MACF1: variants seen among roughly 807,000 people sequenced by gnomAD.
MACF1 encodes microtubule actin crosslinking factor 1.
A neutral mutation model predicts 854.8 loss-of-function variants in MACF1; 193 were observed. That is an observed-to-expected ratio of 0.23 (90% confidence interval 0.20 to 0.25). The LOEUF is 0.25. Ranked by LOEUF, MACF1 falls within the 10% of genes least tolerant of loss-of-function variation. The pLI, the probability that MACF1 is intolerant of heterozygous loss-of-function variation, is 1.00. For missense variants in MACF1, 7,722 were observed against 8,929.1 expected (o/e 0.86, Z 5.45); for synonymous variants, 3,185 against 3,226.7 (o/e 0.99, Z 0.44).
chr1:39,324,407 G>A (rs1646570771), intron 34 of MACF1, 62 bp downstream of exon 34: 2 of 1,566,094 alleles, frequency 1.3e-6, no homozygotes. Context: ...ACATTAGGTG[G>A]AATAGTAGAA....
At chr1:39,139,297 GT>G (rs777759471) in intron 2 of MACF1, among the ~76,000 whole-genome samples, 129 of 134,944 alleles carry the variant, frequency 9.6e-4, no homozygotes, top group East Asian at 1.7e-3. Context: ...ATCTGCCACT[GT>G]TTTTTTTTTT....
At chr1:39,322,882 T>A in intron 32 of MACF1, 28 bp from the exon 33 acceptor site, 1 of 1,593,742 alleles carries the variant, frequency 6.3e-7, no homozygotes, top group Admixed American at 1.7e-5. Flanking sequence ...GGCAGACGAT[T>A]TATTTAAATT....
intron 2 of MACF1, among the ~76,000 whole-genome samples, chr1:39,239,545 A>G (rs1037921754): frequency 6.6e-6 from 1 of 152,252 alleles, no homozygotes; most frequent in Non-Finnish European, 1.5e-5. Flanking sequence ...TTCTGCTTAT[A>G]TACCAGAACC....
intron 2 of MACF1, among the ~76,000 whole-genome samples, chr1:39,127,448 C>G (rs1642887215): frequency 6.6e-6 from 1 of 152,126 alleles, no homozygotes; most frequent in South Asian, 2.1e-4. Flanking sequence ...CCACTTAATT[C>G]TCATGATAAC....
chr1:39,307,437 G>C (rs1646205297), intron 23 of MACF1, among the ~76,000 whole-genome samples: 1 of 152,144 alleles, frequency 6.6e-6, no homozygotes, highest in Non-Finnish European at 1.5e-5. Flanking sequence ...TTCTCTGCAA[G>C]TGTTTAAGTG....
At chr1:39,235,979 C>G (rs933614146) in intron 2 of MACF1, among the ~76,000 whole-genome samples, 1 of 152,152 alleles carries the variant, frequency 6.6e-6, no homozygotes, top group Non-Finnish European at 1.5e-5. Context: ...CTCAAGTAGT[C>G]CTCCCACCTT....
At chr1:39,261,201 A>G (rs940004893) in intron 6 of MACF1, among the ~76,000 whole-genome samples, 2 of 152,174 alleles carry the variant, frequency 1.3e-5, no homozygotes, top group Non-Finnish European at 2.9e-5. Flanking sequence ...TCTAGCTTCC[A>G]TCTCTGCTCC....
At position 39,297,801 on chromosome 1, in the gene MACF1, A is replaced by AG. The variant is rs1382838703; in HGVS notation, c.2481+57dup. 8.8e-6 allele frequency: 14 copies of AG among 1,596,856 alleles called. No homozygotes were observed. In the South Asian group the frequency reaches 1.4e-4, roughly 16 times the overall value. On this transcript the variant is annotated intron_variant, in intron 21 of 100. Transcript: ENST00000564288. ...TCTGAGAAAGAGAGTAAACCATATC[A>AG]GCTGCTGCTGTTTATATCCTTGAAA...
intron 2 of MACF1, among the ~76,000 whole-genome samples, chr1:39,135,749 G>GA (rs968637695): frequency 8.6e-5 from 13 of 150,726 alleles, no homozygotes; most frequent in African/African-American, 1.5e-4. Context: ...AGAATTCTAG[G>GA]AAAAAAAAAT....
intron 1 of MACF1, among the ~76,000 whole-genome samples, chr1:39,216,938 A>G (rs1194769073): frequency 6.6e-6 from 1 of 152,170 alleles, no homozygotes; most frequent in African/African-American, 2.4e-5. Context: ...CTTGGCATCA[A>G]CTGTCTACAC....
chr1:39,264,103 A>G (rs1557551271), intron 6 of MACF1, among the ~76,000 whole-genome samples: 2 of 152,134 alleles, frequency 1.3e-5, no homozygotes, highest in African/African-American at 4.8e-5. Context: ...ATTTAATGTA[A>G]GTGGTGACCC....
At chr1:39,102,914 C>T (rs1241182322) in intron 2 of MACF1, 1 of 702,258 alleles carries the variant, frequency 1.4e-6, no homozygotes, top group South Asian at 1.5e-5. Context: ...TCCCATCCCC[C>T]CTGGCAGCCG....
chr1:39,423,438 A>G (rs1557646569), intron 60 of MACF1, among the ~76,000 whole-genome samples: 1 of 152,052 alleles, frequency 6.6e-6, no homozygotes, highest in Non-Finnish European at 1.5e-5. Context: ...GATCGAGACC[A>G]TCCTGGCTAA....
At position 39,332,183 on chromosome 1, in the gene MACF1, C is replaced by T. The variant is rs1423598536; in HGVS notation, c.5595C>T (p.Ala1865=). 1 of 1,613,750 alleles carries T rather than the reference C, an allele frequency of 6.2e-7. No homozygotes were observed. Among genetic ancestry groups the T allele is most frequent in the East Asian group, 2.2e-5 (1 of 44,888 alleles). The change falls in exon 37 of 101, where the codon GCC becomes GCT. Residue 1865 remains alanine, a synonymous_variant. Transcript: ENST00000564288. ...GAGAGATCCTCCCAATTACAGATGC[C>T]CTAGAACAAGGTATTGTGTCTACTG... ...ESGEILPITD[A]LEQGIVSTEL...
intron 2 of MACF1, among the ~76,000 whole-genome samples, chr1:39,176,776 G>A (rs1644035115): frequency 6.6e-6 from 1 of 152,164 alleles, no homozygotes; most frequent in Non-Finnish European, 1.5e-5. Flanking sequence ...AGGATACTTG[G>A]GCCAAGTGAT....
At position 39,449,401 on chromosome 1, in the gene MACF1, TTTTG is replaced by T. The variant is rs557012057; in HGVS notation, c.20258+651_20258+654del. 1.5e-3 allele frequency among the ~76,000 whole-genome samples: 231 copies of T among 152,256 alleles called. 1 individual carries two copies. Among genetic ancestry groups the T allele is most frequent in the African/African-American group, 5.1e-3 (210 of 41,554 alleles). ...ATATTGCTACCCTATTTGTACTTTT[TTTTG>T]TTTGTTTGTTTGAGACAGAGTCTCA... On this transcript the variant is annotated intron_variant, in intron 84 of 100. Transcript: ENST00000564288.
intron 1 of MACF1, among the ~76,000 whole-genome samples, chr1:39,220,727 C>T (rs886874684): frequency 1.3e-5 from 2 of 150,258 alleles, no homozygotes; most frequent in East Asian, 2.0e-4. Context: ...TCAAGTGATC[C>T]ACCCACCTCG....
chr1:39,287,719 C>A, intron 15 of MACF1, 157 bp downstream of exon 15: 2 of 819,626 alleles, frequency 2.4e-6, no homozygotes, highest in Non-Finnish European at 3.8e-6. Flanking sequence ...GTTGCCCAGG[C>A]TGGACTGGAA....
At chr1:39,474,633 G>A (rs966834178) in intron 97 of MACF1, among the ~76,000 whole-genome samples, 1 of 152,182 alleles carries the variant, frequency 6.6e-6, no homozygotes, top group African/African-American at 2.4e-5. Context: ...AGCGGAGGTT[G>A]TGGTGAGCTG....
Sources: gnomAD v4.1 joint callset for allele counts (sites outside exome capture counted in the v4.1 genomes callset) on GRCh38, gnomAD v4.1.1 for gene constraint, MANE v1.5 for transcripts, NCBI Gene and HGNC (gene_info 2026-07-23, HGNC 2026-07-21) for gene names.